Variants in TRPM3 observed in about 807,000 individuals in gnomAD.
TRPM3 encodes the protein transient receptor potential cation channel subfamily M member 3.
In TRPM3, 77 loss-of-function variants were observed where a neutral mutation model predicts 181.2. The ratio of observed to expected loss-of-function variants is 0.42; its 90% confidence interval spans 0.35 to 0.51. The LOEUF is 0.51. Among genes scored for constraint, TRPM3 ranks in the 20% least tolerant of loss-of-function variants. TRPM3 has a pLI of 0.01. For missense variants in TRPM3, 1,759 were observed against 2,196.7 expected, an observed-to-expected ratio of 0.80 and a Z score of 3.98; for synonymous variants, 745 against 796.4, an observed-to-expected ratio of 0.94 and a Z score of 1.09.
At chr9:71,317,678 TACACAC>T (rs57633307) in intron 1 of TRPM3, among the ~76,000 whole-genome samples, 1 of 148,894 alleles carries the variant, frequency 6.7e-6, no homozygotes, top group Non-Finnish European at 1.5e-5. Context: ...TATATATATA[TACACAC>T]ACACACACAC....
chr9:70,843,364 A>G (rs2094801136), intron 4 of TRPM3, among the ~76,000 whole-genome samples: 2 of 152,156 alleles, frequency 1.3e-5, no homozygotes, highest in South Asian at 4.1e-4. Context: ...ACTCCAATTC[A>G]TATGAAAAAA....
At chr9:70,738,345 A>C (rs1055622192) in intron 8 of TRPM3, among the ~76,000 whole-genome samples, 5 of 152,194 alleles carry the variant, frequency 3.3e-5, no homozygotes, top group African/African-American at 1.2e-4. Context: ...ACATGTATAC[A>C]TATGTAACTA....
chr9:70,819,332 A>G (rs768224665), intron 6 of TRPM3, among the ~76,000 whole-genome samples: 10 of 152,236 alleles, frequency 6.6e-5, no homozygotes, highest in Admixed American at 1.3e-4. Flanking sequence ...GTGTTGGCTT[A>G]GGAACTTTAT....
intron 1 of TRPM3, among the ~76,000 whole-genome samples, chr9:71,189,792 A>T (rs1349981048): frequency 6.6e-6 from 1 of 151,828 alleles, no homozygotes; most frequent in African/African-American, 2.4e-5. Context: ...CTCTTGCTGT[A>T]TATATCTTAT....
chr9:70,535,460 G>GTC lies in TRPM3; in HGVS notation c.*491_*492dup. The GTC allele has an allele frequency of 1.3e-6, 2 of 1,550,550 alleles. No homozygotes were observed. The highest frequency in any genetic ancestry group is 1.7e-6 in the Non-Finnish European group (2 of 1,147,004). On this transcript the variant is annotated 3_prime_UTR_variant, in exon 26 of 26. Coordinates refer to ENST00000677713, the MANE Select transcript of TRPM3 (RefSeq NM_001366145.2). Reference sequence around the variant, plus strand: ...TGAATAAAGAGGATGCTCTTCATCAGTCACCAGTGATGGAGCCAATGTGAA... The same window carrying GTC: ...TGAATAAAGAGGATGCTCTTCATCAGTCTCACCAGTGATGGAGCCAATGTGAA...
chr9:70,681,720 A>G (rs2065488372), intron 8 of TRPM3, 142 bp from the exon 9 acceptor site: 1 of 702,934 alleles, frequency 1.4e-6, no homozygotes, highest in Non-Finnish European at 2.5e-6. Flanking sequence ...CATAACAAGA[A>G]TCCGATGAGA....
At chr9:71,221,975 G>C (rs1026162553) in intron 1 of TRPM3, among the ~76,000 whole-genome samples, 1 of 152,202 alleles carries the variant, frequency 6.6e-6, no homozygotes, top group African/African-American at 2.4e-5. Context: ...CCACTAAGAT[G>C]TGGGTTCTTA....
intron 1 of TRPM3, among the ~76,000 whole-genome samples, chr9:71,216,138 G>A (rs2079852725): frequency 6.6e-6 from 1 of 152,158 alleles, no homozygotes; most frequent in South Asian, 2.1e-4. Flanking sequence ...TCAACTAAGG[G>A]ATCTATAAAA....
intron 1 of TRPM3, among the ~76,000 whole-genome samples, chr9:71,340,633 T>A (rs1163793906): frequency 1.3e-5 from 2 of 152,144 alleles, no homozygotes; most frequent in Non-Finnish European, 2.9e-5. Flanking sequence ...AATAAACCTC[T>A]TTCTTTTAGA....
chr9:70,822,759 T>TGTGTGTGTG (rs2093280974), intron 6 of TRPM3, among the ~76,000 whole-genome samples: 2 of 147,100 alleles, frequency 1.4e-5, no homozygotes, highest in African/African-American at 5.1e-5. Flanking sequence ...AAGATTTGTC[T>TGTGTGTGTG]TGTGTGTGTG....
intron 1 of TRPM3, among the ~76,000 whole-genome samples, chr9:70,867,455 T>G (rs1263848140): frequency 6.6e-6 from 1 of 152,054 alleles, no homozygotes; most frequent in Non-Finnish European, 1.5e-5. Context: ...AGTAATTTAA[T>G]TTGTGTGTAG....
chr9:71,182,750 C>A (rs374747557), intron 1 of TRPM3, among the ~76,000 whole-genome samples: 2 of 152,074 alleles, frequency 1.3e-5, no homozygotes, highest in Non-Finnish European at 2.9e-5. Context: ...CAACCTCCAA[C>A]GCCGTGGTTC....
At chr9:71,224,976 A>G (rs926090409) in intron 1 of TRPM3, among the ~76,000 whole-genome samples, 1 of 152,176 alleles carries the variant, frequency 6.6e-6, no homozygotes, top group South Asian at 2.1e-4. Flanking sequence ...AATAGCCTCA[A>G]AAGAACCAAT....
chr9:70,978,266 T>C (rs554926786), intron 1 of TRPM3, among the ~76,000 whole-genome samples: 132 of 152,332 alleles, frequency 8.7e-4, no homozygotes, highest in Non-Finnish European at 1.2e-3. Flanking sequence ...AACCTGCATA[T>C]ACAAAATGAA....
chr9:70,985,955 A>G (rs1187536649), intron 1 of TRPM3, among the ~76,000 whole-genome samples: 1 of 152,172 alleles, frequency 6.6e-6, no homozygotes, highest in Non-Finnish European at 1.5e-5. Context: ...TATTATTATC[A>G]CACTCTGGCA....
chr9:70,768,718 A>G (rs1388652131), intron 7 of TRPM3, among the ~76,000 whole-genome samples: 2 of 152,100 alleles, frequency 1.3e-5, no homozygotes, highest in African/African-American at 2.4e-5. Flanking sequence ...GCCAGGAGCA[A>G]GAAGTGAATT....
chr9:71,027,027 C>T lies in TRPM3; in HGVS notation c.177+94151G>A, dbSNP rs976020544. ...TGCAAACAAGGATGAATCCTGCTGC[C>T]ACCACCCTATGAAGTACTTTGTGGC... is the stretch of plus-strand genomic sequence containing the variant. On this transcript the variant is annotated intron_variant, in intron 1 of 25. Transcript: ENST00000677713. Among the ~76,000 whole-genome samples, 11 of 152,110 alleles carry T rather than the reference C, an allele frequency of 7.2e-5. 1 individual carries two copies. The highest frequency in any genetic ancestry group is 2.7e-4 in the African/African-American group (11 of 41,420).
intron 1 of TRPM3, among the ~76,000 whole-genome samples, chr9:71,349,344 C>A (rs181883000): frequency 1.3e-4 from 20 of 152,270 alleles, no homozygotes; most frequent in African/African-American, 4.8e-4. Flanking sequence ...GAGAGGCAAT[C>A]TGGTAGAGCC....
Position 70,798,100 on chromosome 9 carries a change from G to A in TRPM3, c.974-13821C>T, listed in dbSNP as rs148236100. Among the ~76,000 whole-genome samples the A allele has an allele frequency of 1.4e-4, 21 of 152,282 alleles. No homozygotes were observed. In the East Asian group the frequency reaches 1.7e-3, roughly 13 times the overall value. ...GATAGGGTCTCACTCCATCACCCAG[G>A]TTGGAGTGCAGTGGCATGATCTTGG... On this transcript the variant is annotated intron_variant, in intron 6 of 25. Transcript: ENST00000677713.
Sources: gnomAD v4.1 joint callset for allele counts (sites outside exome capture counted in the v4.1 genomes callset) on GRCh38, gnomAD v4.1.1 for gene constraint, MANE v1.5 for transcripts, NCBI Gene and HGNC (gene_info 2026-07-23, HGNC 2026-07-21) for gene names.